FHIP1A: variants seen among roughly 807,000 people sequenced by gnomAD.
The protein encoded by FHIP1A is FHF complex subunit HOOK-interacting protein 1A.
FHIP1A carries 61 observed loss-of-function variants against 88.6 expected under a neutral mutation model. That is an observed-to-expected ratio of 0.69 (90% confidence interval 0.56 to 0.85). FHIP1A has a LOEUF of 0.85. Ranked by LOEUF, FHIP1A falls within the 40% of genes least tolerant of loss-of-function variation. The probability of loss-of-function intolerance (pLI) is 0.00; values close to 1 mark genes in which losing one functional copy is unlikely to be tolerated. For missense variants in FHIP1A, 1,154 were observed against 1,273.5 expected, an observed-to-expected ratio of 0.91 and a Z score of 1.43; for synonymous variants, 478 against 496.0, an observed-to-expected ratio of 0.96 and a Z score of 0.48.
At chr4:151,607,354 T>A (rs1424754558) in intron 7 of FHIP1A, among the ~76,000 whole-genome samples, 2 of 152,206 alleles carry the variant, frequency 1.3e-5, no homozygotes, top group Admixed American at 6.5e-5. Context: ...GGAGTGACGG[T>A]AGCACTATTA....
intron 7 of FHIP1A, among the ~76,000 whole-genome samples, chr4:151,610,589 A>G (rs940222024): frequency 6.6e-6 from 1 of 152,170 alleles, no homozygotes; most frequent in African/African-American, 2.4e-5. Flanking sequence ...TCACTTCTCC[A>G]GCTATTCTGG....
rs777180095 is a variant in FHIP1A, at chr4:151,623,535, TTTTTTTTC to T, written c.979-6166_979-6159del. ...ACTTCCTGGTCCTTTTTTTTTTTTTTTTTTTTTCGCCTCAATTTGGCTTATTTTAAACT... is the reference window on the plus strand; with the variant it reads ...ACTTCCTGGTCCTTTTTTTTTTTTTTGCCTCAATTTGGCTTATTTTAAACT... On this transcript the variant is annotated intron_variant, in intron 7 of 13. Coordinates refer to ENST00000435205, the MANE Select transcript of FHIP1A (RefSeq NM_001109977.3). 7.4e-4 allele frequency among the ~76,000 whole-genome samples: 101 copies of T among 135,812 alleles called. 2 individuals carry two copies. Among genetic ancestry groups the T allele is most frequent in the African/African-American group, 2.1e-3 (82 of 39,584 alleles). 89.1% of individuals were successfully genotyped at this position (135,812 alleles called of 152,430 possible). A position where few individuals can be genotyped will look rare whatever the true frequency, so the allele number is the denominator to read the frequency against.
intron 1 of FHIP1A, among the ~76,000 whole-genome samples, chr4:151,454,307 T>G (rs1728895897): frequency 6.6e-6 from 1 of 152,208 alleles, no homozygotes; most frequent in Non-Finnish European, 1.5e-5. Context: ...GTTATTGGTG[T>G]GAAAGACAGG....
chr4:151,483,182 T>C (rs1373813248), intron 3 of FHIP1A, among the ~76,000 whole-genome samples: 1 of 152,166 alleles, frequency 6.6e-6, no homozygotes, highest in African/African-American at 2.4e-5. Context: ...GTTGATATTC[T>C]TTCTTATTAA....
intron 3 of FHIP1A, among the ~76,000 whole-genome samples, chr4:151,507,674 G>A (rs1015827556): frequency 2.6e-5 from 4 of 151,986 alleles, no homozygotes; most frequent in African/African-American, 9.7e-5. Context: ...CATCTATAAT[G>A]TTTTCGATAT....
intron 1 of FHIP1A, among the ~76,000 whole-genome samples, chr4:151,428,403 T>C (rs1733465439): frequency 6.6e-6 from 1 of 152,194 alleles, no homozygotes; most frequent in Non-Finnish European, 1.5e-5. Flanking sequence ...AAACTGATTT[T>C]ATATCCTTAA....
At chr4:151,523,849 G>A (rs886683192) in intron 3 of FHIP1A, among the ~76,000 whole-genome samples, 2 of 152,150 alleles carry the variant, frequency 1.3e-5, no homozygotes, top group African/African-American at 4.8e-5. Context: ...AAAAGTAAAT[G>A]AAAGCTTAAT....
chr4:151,609,284 A>C (rs1481361695), intron 7 of FHIP1A, among the ~76,000 whole-genome samples: 2 of 152,182 alleles, frequency 1.3e-5, no homozygotes, highest in Non-Finnish European at 2.9e-5. Flanking sequence ...TTGAAGTTAC[A>C]TAATAAAGAT....
chr4:151,594,428 T>A (rs1734567703), intron 7 of FHIP1A, among the ~76,000 whole-genome samples: 1 of 152,200 alleles, frequency 6.6e-6, no homozygotes, highest in Non-Finnish European at 1.5e-5. Context: ...GTTCAGGGAT[T>A]TGACTACTTC....
At chr4:151,447,808 G>A (rs1728659472) in intron 1 of FHIP1A, among the ~76,000 whole-genome samples, 1 of 152,204 alleles carries the variant, frequency 6.6e-6, no homozygotes, top group Admixed American at 6.5e-5. Context: ...AAGACCATGT[G>A]AAGTTATAAT....
At chr4:151,473,196 TC>T (rs1391999992) in intron 2 of FHIP1A, among the ~76,000 whole-genome samples, 1 of 152,126 alleles carries the variant, frequency 6.6e-6, no homozygotes, top group Non-Finnish European at 1.5e-5. Flanking sequence ...TTCATAAAGA[TC>T]TCTAGAATCC....
intron 8 of FHIP1A, among the ~76,000 whole-genome samples, chr4:151,632,900 A>G (rs1031648166): frequency 6.6e-6 from 1 of 151,982 alleles, no homozygotes; most frequent in Admixed American, 6.6e-5. Context: ...CAACCTAACT[A>G]TACATCTTCA....
chr4:151,666,554 C>T lies in FHIP1A; in HGVS notation c.*3800C>T, dbSNP rs73862082. Among the ~76,000 whole-genome samples the T allele has an allele frequency of 0.013, 2,025 of 152,266 alleles. 36 individuals carry two copies. Among genetic ancestry groups the T allele is most frequent in the African/African-American group, 0.046 (1,931 of 41,540 alleles). ...TGTCAGGAAAGCATCCTCTTATGAACAGAATCTAGAAACAGGCTACATGAA... is the reference window on the plus strand; with the variant it reads ...TGTCAGGAAAGCATCCTCTTATGAATAGAATCTAGAAACAGGCTACATGAA... On this transcript the variant is annotated 3_prime_UTR_variant, in exon 14 of 14. Coordinates refer to ENST00000435205, the MANE Select transcript of FHIP1A (RefSeq NM_001109977.3).
intron 11 of FHIP1A, among the ~76,000 whole-genome samples, chr4:151,653,812 C>A (rs1392552027): frequency 1.3e-5 from 2 of 151,968 alleles, no homozygotes; most frequent in East Asian, 3.9e-4. Context: ...AGGGGAAGTG[C>A]AGGAAGAGGG....
chr4:151,596,014 C>T (rs189697754), intron 7 of FHIP1A, among the ~76,000 whole-genome samples: 1 of 152,116 alleles, frequency 6.6e-6, no homozygotes, highest in Non-Finnish European at 1.5e-5. Flanking sequence ...GAGCATTTAG[C>T]CCATTTACAT....
chr4:151,588,761 A>G lies in FHIP1A; in HGVS notation c.892-79A>G. On this transcript the variant is annotated intron_variant, in intron 6 of 13. Transcript: ENST00000435205. The stretch of plus-strand genomic sequence containing the variant: ...TGTGGATTTCCTTTTTGAGTTCAGG[A>G]TGTACACAGAATTGTTTTATTTTAA... 1.4e-5 allele frequency: 13 copies of G among 917,260 alleles called. 1 individual carries two copies. The South Asian group carries it at 1.7e-4, about 12-fold the overall frequency. The allele number at this position is 917,260 out of a possible 1,614,324, so 56.8% of individuals were successfully genotyped here.
At chr4:151,469,426 C>T (rs919907718) in intron 2 of FHIP1A, among the ~76,000 whole-genome samples, 1 of 152,170 alleles carries the variant, frequency 6.6e-6, no homozygotes, top group Non-Finnish European at 1.5e-5. Context: ...AAATTTGATA[C>T]TGTGAGACAT....
chr4:151,512,971 G>A (rs1346197085), intron 3 of FHIP1A, among the ~76,000 whole-genome samples: 3 of 152,084 alleles, frequency 2.0e-5, no homozygotes, highest in African/African-American at 4.8e-5. Flanking sequence ...GATACTCCTC[G>A]AGAAAAGCAA....
chr4:151,490,842 A>T (rs189851336), intron 3 of FHIP1A, among the ~76,000 whole-genome samples: 1 of 152,280 alleles, frequency 6.6e-6, no homozygotes, highest in Admixed American at 6.5e-5. Context: ...CACTTTGAGA[A>T]ATGCAAAATA....
Sources: allele counts gnomAD v4.1 joint callset (sites outside exome capture counted in the v4.1 genomes callset), GRCh38; gene constraint gnomAD v4.1.1; transcripts MANE v1.5; gene names NCBI Gene and HGNC (gene_info 2026-07-23, HGNC 2026-07-21).